ZNF157: variants seen among roughly 807,000 people sequenced by gnomAD.
The protein encoded by ZNF157 is zinc finger protein 157.
A neutral mutation model predicts 9.4 loss-of-function variants in ZNF157; 8 were observed. The ratio of observed to expected loss-of-function variants is 0.85; its 90% CI spans 0.50 to 1.53. ZNF157 has a LOEUF of 1.53. Ranked by LOEUF, ZNF157 falls within the 40% of genes most tolerant of loss-of-function variation. The pLI is 0.00. For synonymous variants in ZNF157, 120 were observed against 130.8 expected (o/e 0.92, Z 0.56); for missense variants, 316 against 385.2 (o/e 0.82, Z 1.50).
intron 1 of ZNF157, among the ~76,000 whole-genome samples, chrX:47,406,033 A>T (rs1043186517): frequency 4.7e-5 from 5 of 105,424 alleles, no homozygotes; most frequent in African/African-American, 6.8e-5. Flanking sequence ...AGTCCATTGT[A>T]TCATTCTTAT....
At chrX:47,381,952 A>G (rs1330661533) in intron 1 of ZNF157, among the ~76,000 whole-genome samples, 1 of 112,062 alleles carries the variant, frequency 8.9e-6, no homozygotes, top group Non-Finnish European at 1.9e-5. Flanking sequence ...GATACTGAGA[A>G]CAGGTGCCCA....
In ZNF157 at chrX:47,371,218, C is replaced by T. The variant is rs182292308; in HGVS notation, c.72+478C>T. Among the ~76,000 whole-genome samples the T allele has an allele frequency of 9.1e-5, 10 of 110,007 alleles. No homozygotes were observed. The Admixed American group carries it at 9.8e-4, about 11-fold the overall frequency. ...CCAGGTGTTGTGGCACGCACCTGTA[C>T]TCCCAGCTACTCGGGAGGTTGAGAC... On this transcript the variant is annotated intron_variant, in intron 1 of 3. Coordinates refer to ENST00000377073, the MANE Select transcript of ZNF157 (RefSeq NM_003446.4).
rs1160508436 is a variant in ZNF157, at chrX:47,377,731, CT to C, written c.72+7008del. 7.6e-3 allele frequency among the ~76,000 whole-genome samples: 662 copies of C among 86,691 alleles called. 5 individuals carry two copies. The highest frequency in any genetic ancestry group is 0.011 in the Non-Finnish European group (476 of 44,550). 75.3% of individuals were successfully genotyped at this position (86,691 alleles called of 115,157 possible). A position where few individuals can be genotyped will look rare whatever the true frequency, so the allele number is the denominator to read the frequency against. On this transcript the variant is annotated intron_variant, in intron 1 of 3. Transcript: ENST00000377073. The stretch of plus-strand genomic sequence containing the variant: ...ACAGGTGTGAGCCACCATGCCCAGC[CT>C]TTTTTTTTTTTTTTTTAAAAAAAAC...
chrX:47,409,449 C>T (rs772278252), intron 1 of ZNF157, among the ~76,000 whole-genome samples: 1 of 111,068 alleles, frequency 9.0e-6, no homozygotes, highest in African/African-American at 3.3e-5. Context: ...ATTCTCCTGC[C>T]TCAGGCTCCC....
chrX:47,393,454 C>T (rs1235274139), intron 1 of ZNF157, among the ~76,000 whole-genome samples: 3 of 112,098 alleles, frequency 2.7e-5, no homozygotes, highest in Non-Finnish European at 5.6e-5. Context: ...AGAAGGCCGT[C>T]CACAGAGCTT....
chrX:47,405,121 C>T, intron 1 of ZNF157, among the ~76,000 whole-genome samples: 1 of 111,384 alleles, frequency 9.0e-6, no homozygotes, highest in Non-Finnish European at 1.9e-5. Context: ...GACGTGGTGG[C>T]TCACATCTGT....
At chrX:47,396,288 C>T (rs1180876665) in intron 1 of ZNF157, among the ~76,000 whole-genome samples, 2 of 110,481 alleles carry the variant, frequency 1.8e-5, no homozygotes, top group South Asian at 7.7e-4. Flanking sequence ...GCCTGTAATC[C>T]CAGCATTTTG....
In ZNF157 at chrX:47,383,921, T is replaced by C. The variant is rs1339571646; in HGVS notation, c.72+13181T>C. On this transcript the variant is annotated intron_variant, in intron 1 of 3. Transcript: ENST00000377073. The stretch of plus-strand genomic sequence containing the variant: ...CAACTAGACTGGGAGAATATAGAAA[T>C]GTAACAGTTGATAGGATTAAGGTGT... 7.3e-5 allele frequency among the ~76,000 whole-genome samples: 8 copies of C among 109,581 alleles called. No individual in the cohort carries two copies. In the East Asian group the frequency reaches 2.3e-3, roughly 32 times the overall value.
At chrX:47,409,127 T>G (rs2055955736) in intron 1 of ZNF157, among the ~76,000 whole-genome samples, 1 of 111,470 alleles carries the variant, frequency 9.0e-6, no homozygotes, top group Non-Finnish European at 1.9e-5. Context: ...TCTCTTGAGC[T>G]CCAGCTGGAC....
intron 1 of ZNF157, among the ~76,000 whole-genome samples, chrX:47,397,444 CTTG>C (rs775537191): frequency 2.4e-4 from 26 of 106,841 alleles, no homozygotes; most frequent in African/African-American, 8.5e-4. Flanking sequence ...GAGATGGAGT[CTTG>C]TTGTCACCCA....
intron 1 of ZNF157, among the ~76,000 whole-genome samples, chrX:47,392,516 G>A (rs778300057): frequency 1.8e-5 from 2 of 111,670 alleles, no homozygotes; most frequent in South Asian, 3.7e-4. Context: ...AACATTCACC[G>A]TGCCTGGGTG....
intron 1 of ZNF157, 25 bp downstream of exon 1, chrX:47,370,765 T>C (rs773055014): frequency 1.8e-6 from 2 of 1,097,719 alleles, no homozygotes; most frequent in South Asian, 2.2e-5. Flanking sequence ...CCTATTTTTT[T>C]CTATATGTTC....
intron 1 of ZNF157, among the ~76,000 whole-genome samples, chrX:47,371,313 G>A (rs1003258258): frequency 9.3e-6 from 1 of 107,834 alleles, no homozygotes; most frequent in African/African-American, 3.4e-5. Context: ...CTCTGCCTGG[G>A]TGACAGAGTG....
In ZNF157 at chrX:47,413,680, A is replaced by G. The variant is rs770559053; in HGVS notation, c.*86A>G. On this transcript the variant is annotated 3_prime_UTR_variant, in exon 4 of 4. Transcript: ENST00000377073. ...GTGCCTGTGAAAATTTGGCACCTAC[A>G]TTTGTATCAAAGTATGTCCTGATCC... The G allele has an allele frequency of 2.1e-4, 237 of 1,129,367 alleles. No homozygotes were observed. Among genetic ancestry groups the G allele is most frequent in the Admixed American group, 3.7e-4 (12 of 32,817 alleles). 93.1% of individuals were successfully genotyped at this position (1,129,367 alleles called of 1,213,427 possible).
At chrX:47,371,472 C>T (rs1235642643) in intron 1 of ZNF157, among the ~76,000 whole-genome samples, 2 of 95,821 alleles carry the variant, frequency 2.1e-5, no homozygotes, top group Non-Finnish European at 4.1e-5. Context: ...AGACCCTGTT[C>T]TCCACAAAAA....
At position 47,393,687 on chromosome X, in the gene ZNF157, T is replaced by C. The variant is rs868684178; in HGVS notation, c.73-16589T>C. Among the ~76,000 whole-genome samples, 144 of 106,668 alleles carry C rather than the reference T, an allele frequency of 1.3e-3. No homozygotes were observed. The Middle Eastern group carries it at 0.025, about 18-fold the overall frequency. 92.6% of individuals were successfully genotyped at this position (106,668 alleles called of 115,157 possible). On this transcript the variant is annotated intron_variant, in intron 1 of 3. Transcript: ENST00000377073. ...ACCCAGCTGTCCTCCTGTCTCAGCC[T>C]CCCAAATAGCTGGGACTACCGGATT...
At chrX:47,409,687 G>A (rs1178018119) in intron 1 of ZNF157, among the ~76,000 whole-genome samples, 2 of 99,852 alleles carry the variant, frequency 2.0e-5, no homozygotes, top group Non-Finnish European at 4.0e-5. Context: ...TCTGTTGCCC[G>A]AGCTGGAGTG....
intron 1 of ZNF157, among the ~76,000 whole-genome samples, chrX:47,376,968 A>G (rs2055846538): frequency 9.0e-6 from 1 of 111,599 alleles, no homozygotes; most frequent in Admixed American, 9.6e-5. Context: ...GATAGAAATT[A>G]TGGTTTAGGA....
chrX:47,412,103 C>T (rs1020855649), intron 3 of ZNF157, among the ~76,000 whole-genome samples: 10 of 111,064 alleles, frequency 9.0e-5, no homozygotes, highest in Non-Finnish European at 1.5e-4. Context: ...GGATTACAGG[C>T]GGGCACCATT....
Sources: gnomAD v4.1 joint callset for allele counts (sites outside exome capture counted in the v4.1 genomes callset) on GRCh38, gnomAD v4.1.1 for gene constraint, MANE v1.5 for transcripts, NCBI Gene and HGNC (gene_info 2026-07-23, HGNC 2026-07-21) for gene names.